EDRF1: variants seen among roughly 807,000 people sequenced by gnomAD.
EDRF1 encodes erythroid differentiation regulatory factor 1, also known as erythroid differentiation-related factor 1.
In EDRF1, 69 loss-of-function variants were observed where a neutral mutation model predicts 148.7. The ratio of observed to expected loss-of-function variants is 0.46; its 90% confidence interval spans 0.38 to 0.57. The LOEUF is 0.57. Ranked by LOEUF, EDRF1 falls within the 20% of genes least tolerant of loss-of-function variation. The probability of loss-of-function intolerance (pLI) is 0.00; values close to 1 mark genes in which losing one functional copy is unlikely to be tolerated. For missense variants in EDRF1, 1,118 were observed against 1,478.7 expected (o/e 0.76, Z 4.00); for synonymous variants, 515 against 532.8 (o/e 0.97, Z 0.46).
At chr10:125,720,159 G>A (rs1382067878) in intron 1 of EDRF1, among the ~76,000 whole-genome samples, 3 of 152,206 alleles carry the variant, frequency 2.0e-5, no homozygotes, top group Non-Finnish European at 4.4e-5. Flanking sequence ...TAAATATGTC[G>A]TTCCAAAACG....
chr10:125,736,376 G>A (rs927595767), intron 13 of EDRF1, among the ~76,000 whole-genome samples: 1 of 151,998 alleles, frequency 6.6e-6, no homozygotes, highest in African/African-American at 2.4e-5. Flanking sequence ...CTGTTGTATT[G>A]GACATGTCTC....
intron 2 of EDRF1, among the ~76,000 whole-genome samples, chr10:125,722,606 AT>A (rs1315469251): frequency 6.6e-6 from 1 of 151,906 alleles, no homozygotes; most frequent in Non-Finnish European, 1.5e-5. Flanking sequence ...TGTCAGGTAC[AT>A]TTTTTTCATG....
rs766285149 is a variant in EDRF1 at position 125,740,987 on chromosome 10, C to A, written c.2171-14C>A. ...GCATTTGTGTTTTTTCTTCTTCCCT[C>A]CCTTTCTAAACAGATACTTATTGCT... is the stretch of plus-strand genomic sequence containing the variant. On this transcript the variant is annotated splice_polypyrimidine_tract_variant and intron_variant, in intron 16 of 24. Coordinates refer to ENST00000356792, the MANE Select transcript of EDRF1 (RefSeq NM_001202438.2). The A allele has an allele frequency of 6.2e-7, 1 of 1,613,072 alleles. No homozygotes were observed. The highest frequency in any genetic ancestry group is 1.3e-5 in the African/African-American group (1 of 74,912).
intron 1 of EDRF1, 111 bp downstream of exon 1, chr10:125,720,026 C>A: frequency 1.1e-6 from 1 of 914,192 alleles, no homozygotes; most frequent in Non-Finnish European, 1.7e-6. Context: ...TCCATGTTTC[C>A]CTGACACCCC....
At chr10:125,745,605 C>A in intron 18 of EDRF1, 102 bp from the exon 19 acceptor site, 1 of 1,238,292 alleles carries the variant, frequency 8.1e-7, no homozygotes, top group Non-Finnish European at 1.2e-6. Context: ...CTCGCCACCA[C>A]ACTCCTGTCA....
intron 11 of EDRF1, 80 bp from the exon 12 acceptor site, chr10:125,733,992 G>A: frequency 8.5e-7 from 1 of 1,182,672 alleles, no homozygotes; most frequent in East Asian, 2.3e-5. Flanking sequence ...TTGTTGGAAA[G>A]AAACAAGAGC....
At chr10:125,729,714 T>G (rs574726146) in intron 8 of EDRF1, among the ~76,000 whole-genome samples, 10 of 152,320 alleles carry the variant, frequency 6.6e-5, no homozygotes, top group African/African-American at 2.4e-4. Flanking sequence ...AATGGCCACA[T>G]TAAGGAAGGA....
chr10:125,756,460 AGT>A (rs1849902166), intron 24 of EDRF1, among the ~76,000 whole-genome samples: 4 of 152,200 alleles, frequency 2.6e-5, no homozygotes, highest in African/African-American at 9.7e-5. Flanking sequence ...GCGTGTTCAT[AGT>A]ATTGTTCAGG....
In EDRF1 at chr10:125,735,826, T is replaced by C; in HGVS notation, c.1680T>C (p.Asp560=). The change falls in exon 13 of 25, where the codon GAT becomes GAC. Residue 560 remains aspartate, a synonymous_variant. Transcript: ENST00000356792. ...SYSTSSDPSD[D]SKAVAIIKSV... is the part of the protein sequence containing the mutation. Reference sequence around the variant, plus strand: ...GCACCAGCTCTGATCCATCAGATGATAGCAAAGCAGTAGCTATAATCAAGT... The same window carrying C: ...GCACCAGCTCTGATCCATCAGATGACAGCAAAGCAGTAGCTATAATCAAGT... 2 of 1,613,362 alleles carry C rather than the reference T, an allele frequency of 1.2e-6. No homozygotes were observed. Among genetic ancestry groups the C allele is most frequent in the Non-Finnish European group, 1.7e-6 (2 of 1,179,462 alleles).
intron 18 of EDRF1, chr10:125,745,194 GAAA>G: frequency 2.3e-5 from 4 of 171,970 alleles, no homozygotes; most frequent in South Asian, 2.7e-4. Context: ...CTGCTGTAAT[GAAA>G]TATCATAGAC....
chr10:125,748,166 TG>T, intron 21 of EDRF1, 154 bp downstream of exon 21: 1 of 859,320 alleles, frequency 1.2e-6, no homozygotes, highest in Non-Finnish European at 1.9e-6. Context: ...CCTTTTTTTG[TG>T]CTGTGCCACT....
chr10:125,749,622 C>T, intron 22 of EDRF1, 57 bp downstream of exon 22: 2 of 1,592,964 alleles, frequency 1.3e-6, no homozygotes, highest in Non-Finnish European at 1.7e-6. Flanking sequence ...GCTGGATTGT[C>T]TTAGAGTAAG....
intron 17 of EDRF1, chr10:125,742,367 G>T: frequency 8.3e-7 from 1 of 1,207,424 alleles, no homozygotes; most frequent in Non-Finnish European, 1.1e-6. Context: ...ATGTCTCATG[G>T]GGTTGTTTTA....
chr10:125,756,099 T>C (rs770069792), intron 24 of EDRF1, among the ~76,000 whole-genome samples: 1 of 152,240 alleles, frequency 6.6e-6, no homozygotes, highest in East Asian at 1.9e-4. Context: ...AATTTTCTTC[T>C]AAAGCACTGC....
Position 125,730,380 on chromosome 10 carries a change from AT to A in EDRF1, c.1110del (p.His370GlnfsTer2). 1.2e-6 allele frequency: 2 copies of A among 1,613,502 alleles called. No individual in the cohort carries two copies. Among genetic ancestry groups the A allele is most frequent in the Non-Finnish European group, 1.7e-6 (2 of 1,179,422 alleles). On this transcript the variant is annotated frameshift_variant, in exon 9 of 25. Transcript: ENST00000356792. LOFTEE classifies it high-confidence loss of function. ...CNVPELVMCF[H>X]VNGIVQKYEM... ...GTGCCAGAGCTTGTGATGTGTTTTC[AT>A]GTAAATGGAATTGTACAGGTAAGAT... is the stretch of plus-strand genomic sequence containing the variant.
In EDRF1 at chr10:125,725,336, T is replaced by C. The variant is rs1848206482; in HGVS notation, c.529T>C (p.Leu177=). 6.8e-6 allele frequency: 11 copies of C among 1,613,904 alleles called. No individual in the cohort carries two copies. The highest frequency in any genetic ancestry group is 9.3e-6 in the Non-Finnish European group (11 of 1,179,966). The stretch of plus-strand genomic sequence containing the variant: ...TATCCAGACTGGTGACTGGACATGG[T>C]TGAAAGAGTTTTATCAAAGACTCAT... ...RSSQTGDWTW[L]KEFYQRLIDQ... is the part of the protein sequence containing the mutation. Residue 177 remains leucine (L), a synonymous_variant, in exon 5 of 25, where the codon TTG becomes CTG. Transcript: ENST00000356792.
At chr10:125,742,646 T>C (rs1477528480) in intron 17 of EDRF1, 1 of 985,294 alleles carries the variant, frequency 1.0e-6, no homozygotes, top group Non-Finnish European at 1.2e-6. Context: ...GCATTTTTAA[T>C]CTTCGAGGGC....
intron 6 of EDRF1, among the ~76,000 whole-genome samples, chr10:125,726,130 G>GTAT (rs1312268633): frequency 1.3e-5 from 2 of 151,906 alleles, no homozygotes; most frequent in Non-Finnish European, 2.9e-5. Flanking sequence ...CAAGTGATGA[G>GTAT]TATTATATAG....
At position 125,763,411 on chromosome 10, in the gene EDRF1, T is replaced by C; in HGVS notation, c.3656T>C (p.Ile1219Thr). Residue 1219 changes from isoleucine to threonine, a missense_variant, in exon 25 of 25, where the codon ATC becomes ACC. Ile to Thr is a moderately conservative substitution (Grantham distance 89). This residue lies in a region of EDRF1 where 954 missense variants were observed against 1,241.4 expected (regional missense o/e 0.77). Transcript: ENST00000356792. The surrounding 1 kb of genome is among the most constrained non-coding windows in gnomAD (Gnocchi z 4.3). ...TATLLERINV[I>T]VHLLGQLAAG... Reference sequence around the variant, plus strand: ...ACTCTTCTGGAAAGAATCAACGTTATCGTCCACCTGCTGGGCCAGCTTGCC... The same window carrying C: ...ACTCTTCTGGAAAGAATCAACGTTACCGTCCACCTGCTGGGCCAGCTTGCC... The C allele has an allele frequency of 1.2e-6, 2 of 1,612,148 alleles. No individual in the cohort carries two copies. The highest frequency in any genetic ancestry group is 1.7e-6 in the Non-Finnish European group (2 of 1,180,028).
Sources: allele counts gnomAD v4.1 joint callset (sites outside exome capture counted in the v4.1 genomes callset), GRCh38; gene constraint gnomAD v4.1.1; regional missense constraint gnomAD v4.1.1; non-coding constraint Gnocchi (gnomAD v3.1); transcripts MANE v1.5; gene names NCBI Gene and HGNC (gene_info 2026-07-23, HGNC 2026-07-21).